PRDM15: variants seen among roughly 807,000 people sequenced by gnomAD.
PRDM15 encodes the protein PR/SET domain 15.
Under a neutral mutation model 128.6 loss-of-function variants are expected in PRDM15, and 64 were observed. The observed-to-expected ratio is 0.50, with a 90% CI of 0.41 to 0.61. PRDM15 has a LOEUF of 0.61. Ranked by LOEUF, PRDM15 falls within the 20% of genes least tolerant of loss-of-function variation. The probability of loss-of-function intolerance (pLI) is 0.00; values close to 1 mark genes in which losing one functional copy is unlikely to be tolerated. For missense variants in PRDM15, 1,242 were observed against 1,569.1 expected (o/e 0.79, Z 3.52); for synonymous variants, 615 against 621.8 (o/e 0.99, Z 0.16).
chr21:41,805,102 C>G (rs760241668), intron 21 of PRDM15, among the ~76,000 whole-genome samples: 13 of 152,304 alleles, frequency 8.5e-5, no homozygotes, highest in Non-Finnish European at 1.9e-4. Context: ...ACGCCCTGCC[C>G]CTACCTTCCC....
intron 22 of PRDM15, 200 bp from the exon 23 acceptor site, chr21:41,803,121 T>C (rs980835141): frequency 3.3e-5 from 17 of 515,814 alleles, no homozygotes; most frequent in Admixed American, 2.6e-4. Flanking sequence ...GTTGCAGATT[T>C]AAAAAAAAAA....
intron 1 of PRDM15, chr21:41,861,702 C>G: frequency 1.2e-6 from 2 of 1,614,164 alleles, no homozygotes; most frequent in Non-Finnish European, 8.5e-7. Flanking sequence ...GGGTGAAAAG[C>G]AGACCGTGCA....
chr21:41,859,573 G>GCT lies in PRDM15; in HGVS notation c.131+17_131+18dup, dbSNP rs1569002407. On this transcript the variant is annotated intron_variant, in intron 3 of 23. Transcript: ENST00000398548. The surrounding 1 kb of genome is among the most constrained non-coding windows in gnomAD (Gnocchi z 5.3). The stretch of plus-strand genomic sequence containing the variant: ...CAGCTGGCATATGGAAGGCCCGGGA[G>GCT]CTCACGGCGGTCACTCACCTTGCCC... 1.2e-6 allele frequency: 2 copies of GCT among 1,605,502 alleles called. No homozygotes were observed. Among genetic ancestry groups the GCT allele is most frequent in the African/African-American group, 1.3e-5 (1 of 74,846 alleles).
At chr21:41,875,302 G>A (rs531837743) in intron 1 of PRDM15, among the ~76,000 whole-genome samples, 58 of 152,356 alleles carry the variant, frequency 3.8e-4, no homozygotes, top group Non-Finnish European at 6.6e-4. Flanking sequence ...CTCCCAAGCC[G>A]GCATCCTGGC....
At chr21:41,805,991 C>CCACCACCACCACCATCACCACCACCAT (rs1568879289) in intron 21 of PRDM15, among the ~76,000 whole-genome samples, 6 of 89,176 alleles carry the variant, frequency 6.7e-5, no homozygotes, top group East Asian at 3.6e-4. Context: ...ACCACTATCA[C>CCACCACCACCACCATCACCACCACCAT]CACCACCACC....
chr21:41,810,897 G>GAGAAGA lies in PRDM15; in HGVS notation c.2393-62_2393-61insTCTTCT. The stretch of plus-strand genomic sequence containing the variant: ...ATGAGTGTTGTAAGTCCACATCAGG[G>GAGAAGA]CATGTCTTCTCCCTGACACGTTCCA... On this transcript the variant is annotated intron_variant, in intron 19 of 23. Coordinates refer to ENST00000398548, the MANE Select transcript of PRDM15 (RefSeq NM_001040424.3). This position sits in a 1 kb window ranked among gnomAD's most constrained non-coding sequence, Gnocchi z 6.4. 6.7e-7 allele frequency: 1 copy of GAGAAGA among 1,488,088 alleles called. No individual in the cohort carries two copies. Among genetic ancestry groups the GAGAAGA allele is most frequent in the Non-Finnish European group, 9.4e-7 (1 of 1,066,262 alleles). 92.2% of individuals were successfully genotyped at this position (1,488,088 alleles called of 1,614,324 possible). A position where few individuals can be genotyped will look rare whatever the true frequency, so the allele number is the denominator to read the frequency against.
chr21:41,878,611 C>A, intron 1 of PRDM15: 1 of 790,210 alleles, frequency 1.3e-6, no homozygotes, highest in Non-Finnish European at 1.8e-6. Context: ...GCACGCGTCA[C>A]CTGTCCATCC....
At chr21:41,839,195 C>T (rs1457392679) in intron 7 of PRDM15, among the ~76,000 whole-genome samples, 2 of 152,314 alleles carry the variant, frequency 1.3e-5, no homozygotes, top group East Asian at 1.9e-4. Flanking sequence ...TTCAGCAATC[C>T]AGGAGAAGGA....
intron 7 of PRDM15, 91 bp downstream of exon 7, chr21:41,839,532 G>T: frequency 1.2e-6 from 1 of 852,018 alleles, no homozygotes; most frequent in Non-Finnish European, 1.9e-6. Context: ...GAGTTTTCCC[G>T]CCCCGCCCTC....
At chr21:41,851,768 A>G (rs1350811302) in intron 5 of PRDM15, among the ~76,000 whole-genome samples, 1 of 152,200 alleles carries the variant, frequency 6.6e-6, no homozygotes, top group Non-Finnish European at 1.5e-5. Context: ...GGACCCAACC[A>G]GCCAGTGAGT....
rs759125389 is a variant in PRDM15 at position 41,802,823 on chromosome 21, C to T, written c.2832G>A (p.Ala944=). 6.8e-6 allele frequency: 11 copies of T among 1,614,090 alleles called. No homozygotes were observed. The highest frequency in any genetic ancestry group is 4.5e-5 in the East Asian group (2 of 44,896). ...HKRKQKPEEE[A]GAPVPEDATF... ...TGGCGTCCTCGGGCACCGGAGCACCCGCCTCCTCTTCTGGCTTCTGCTTTC... is the reference window on the plus strand; with the variant it reads ...TGGCGTCCTCGGGCACCGGAGCACCTGCCTCCTCTTCTGGCTTCTGCTTTC... Residue 944 remains alanine (A), a synonymous_variant, in exon 23 of 24, where the codon GCG becomes GCA. Transcript: ENST00000398548.
chr21:41,801,453 G>T lies in PRDM15; in HGVS notation c.3213C>A (p.Asn1071Lys). 6.2e-7 allele frequency: 1 copy of T among 1,614,218 alleles called. No homozygotes were observed. Among genetic ancestry groups the T allele is most frequent in the Non-Finnish European group, 8.5e-7 (1 of 1,180,030 alleles). ...TGATGAAATGGGCCACAGACTGTGG[G>T]TTCGAGGCTTCCGGCTGGGGGTGGA... ...VQIHPQPEAS[N>K]PQSVAHFINL... is the part of the protein sequence containing the mutation. The change falls in exon 24 of 24, where the codon AAC becomes AAA. Residue 1071 changes from asparagine (N) to lysine (K), a missense_variant. Asn to Lys is a moderately conservative substitution (Grantham distance 94). Transcript: ENST00000398548.
chr21:41,846,204 G>A (rs970494415), intron 6 of PRDM15, among the ~76,000 whole-genome samples: 1 of 152,174 alleles, frequency 6.6e-6, no homozygotes, highest in South Asian at 2.1e-4. Flanking sequence ...CACATGTGAC[G>A]AATGCCACAA....
At chr21:41,867,189 CAG>C (rs1341540666) in intron 1 of PRDM15, 7 of 750,190 alleles carry the variant, frequency 9.3e-6, no homozygotes, top group Admixed American at 2.3e-5. Context: ...TATTCACACA[CAG>C]AGTGACCCTG....
At chr21:41,856,690 A>G (rs1027791587) in intron 4 of PRDM15, among the ~76,000 whole-genome samples, 3 of 152,214 alleles carry the variant, frequency 2.0e-5, no homozygotes, top group African/African-American at 4.8e-5. Flanking sequence ...GTAGAGAACC[A>G]CTGTCTTCTC....
At chr21:41,808,838 T>C (rs1310936153) in intron 21 of PRDM15, among the ~76,000 whole-genome samples, 1 of 152,232 alleles carries the variant, frequency 6.6e-6, no homozygotes, top group Non-Finnish European at 1.5e-5. Flanking sequence ...CTATCACTAA[T>C]TGAATCACGT....
chr21:41,839,888 G>A lies in PRDM15; in HGVS notation c.641-35C>T, dbSNP rs749030681. The A allele has an allele frequency of 1.3e-5, 21 of 1,584,230 alleles. No individual in the cohort carries two copies. In the South Asian group the frequency reaches 2.1e-4, roughly 16 times the overall value. On this transcript the variant is annotated intron_variant, in intron 6 of 23. Coordinates refer to ENST00000398548, the MANE Select transcript of PRDM15 (RefSeq NM_001040424.3). ...GAGACGCGAATGCACCACACAATTAGGAAGCCTGCCACCGTCCACACCCAC... is the reference window on the plus strand; with the variant it reads ...GAGACGCGAATGCACCACACAATTAAGAAGCCTGCCACCGTCCACACCCAC...
At chr21:41,801,826 C>G (rs2061425667) in intron 23 of PRDM15, 104 bp from the exon 24 acceptor site, 11 of 1,256,602 alleles carry the variant, frequency 8.8e-6, no homozygotes, top group Non-Finnish European at 1.2e-5. Flanking sequence ...AGAAGCACGA[C>G]ATTCTTTGGT....
rs1446560646 is a variant in PRDM15 at position 41,862,826 on chromosome 21, GCA to G, written c.-9-2456_-9-2455del. Among the ~76,000 whole-genome samples the G allele has an allele frequency of 1.3e-5, 2 of 152,098 alleles. No homozygotes were observed. Among genetic ancestry groups the G allele is most frequent in the African/African-American group, 4.8e-5 (2 of 41,408 alleles). ...GGCACACAAGACATCCCAGAACAAG[GCA>G]CACAGGAAGTACTGTTTCAGGGAAA... On this transcript the variant is annotated intron_variant, in intron 1 of 23. Coordinates refer to ENST00000398548, the MANE Select transcript of PRDM15 (RefSeq NM_001040424.3). The surrounding 1 kb of genome is among the most constrained non-coding windows in gnomAD (Gnocchi z 4.1).
Sources: gnomAD v4.1 joint callset for allele counts (sites outside exome capture counted in the v4.1 genomes callset) on GRCh38, gnomAD v4.1.1 for gene constraint, Gnocchi (gnomAD v3.1) non-coding constraint, MANE v1.5 for transcripts, NCBI Gene and HGNC (gene_info 2026-07-23, HGNC 2026-07-21) for gene names.